ACOT13: variants seen among roughly 807,000 people sequenced by gnomAD.
ACOT13 encodes acyl-CoA thioesterase 13.
A neutral mutation model predicts 11.8 loss-of-function variants in ACOT13; 10 were observed. The ratio of observed to expected loss-of-function variants is 0.85; its 90% CI spans 0.53 to 1.44. The LOEUF (loss-of-function observed/expected upper bound fraction) is 1.44, where lower values mean the gene tolerates loss of function less well. ACOT13 is among the 40% of genes most tolerant of loss of function. The probability of loss-of-function intolerance (pLI) is 0.00; values close to 1 mark genes in which losing one functional copy is unlikely to be tolerated. For missense variants in ACOT13, 172 were observed against 174.1 expected (o/e 0.99, Z 0.07); for synonymous variants, 53 against 61.0 (o/e 0.87, Z 0.61).
intron 1 of ACOT13, among the ~76,000 whole-genome samples, chr6:24,681,630 G>T (rs1778552483): frequency 6.6e-6 from 1 of 151,890 alleles, no homozygotes; most frequent in South Asian, 2.1e-4. Context: ...AGGGTAGTGG[G>T]GAACGGGTCC....
intron 1 of ACOT13, among the ~76,000 whole-genome samples, chr6:24,674,895 C>T (rs1395031754): frequency 3.1e-5 from 4 of 128,006 alleles, no homozygotes; most frequent in East Asian, 2.5e-4. Flanking sequence ...CCCCACCCCA[C>T]GACAGGCCCC....
chr6:24,687,659 G>T, intron 1 of ACOT13: 1 of 1,474,844 alleles, frequency 6.8e-7, no homozygotes, highest in Non-Finnish European at 9.0e-7. Context: ...TTGAGAGAAA[G>T]AAAGCATGTA....
intron 1 of ACOT13, among the ~76,000 whole-genome samples, chr6:24,672,926 G>A (rs1778386400): frequency 6.6e-6 from 1 of 152,180 alleles, no homozygotes; most frequent in Non-Finnish European, 1.5e-5. Context: ...TCTCAGGAAT[G>A]CAGTTTATTT....
chr6:24,701,404 A>T (rs1778889226), intron 2 of ACOT13, 55 bp from the exon 3 acceptor site: 7 of 1,531,128 alleles, frequency 4.6e-6, no homozygotes, highest in Middle Eastern at 3.5e-4. Flanking sequence ...TGAGATGCAC[A>T]CAACTTTCCC....
intron 1 of ACOT13, among the ~76,000 whole-genome samples, chr6:24,682,043 A>G (rs937786516): frequency 2.6e-5 from 4 of 152,154 alleles, no homozygotes; most frequent in Non-Finnish European, 5.9e-5. Context: ...TCCCCAAGAA[A>G]ATTGAAAGTG....
Position 24,704,129 on chromosome 6 carries a change from A to T in ACOT13, c.*2514A>T, listed in dbSNP as rs932854115. ...TGAGTTTGGTAATTTTACTCTAGTT[A>T]TATGAAATATTCTTGTACTTGGAAC... On this transcript the variant is annotated 3_prime_UTR_variant, in exon 3 of 3. Transcript: ENST00000230048. 6.6e-6 allele frequency: 1 copy of T among 152,236 alleles called. No homozygotes were observed. The highest frequency in any genetic ancestry group is 2.1e-4 in the South Asian group (1 of 4,832). The allele number at this position is 152,236 out of a possible 1,614,324, so 9.4% of individuals were successfully genotyped here.
rs147438936 is a variant in ACOT13, at chr6:24,676,728, G to A, written c.81+9384G>A. Among the ~76,000 whole-genome samples the A allele has an allele frequency of 2.7e-3, 406 of 152,254 alleles. 2 individuals are homozygous for A. The highest frequency in any genetic ancestry group is 8.4e-3 in the African/African-American group (348 of 41,534). On this transcript the variant is annotated intron_variant, in intron 1 of 2. Transcript: ENST00000230048. Reference sequence around the variant, plus strand: ...ATAAGCATTTCTAATAGAGGGTCCTGCCTTGCCGCTCTTTTGGCTTCAATA... The same window carrying A: ...ATAAGCATTTCTAATAGAGGGTCCTACCTTGCCGCTCTTTTGGCTTCAATA...
At chr6:24,681,278 C>T (rs766948245) in intron 1 of ACOT13, among the ~76,000 whole-genome samples, 2 of 152,124 alleles carry the variant, frequency 1.3e-5, no homozygotes, top group African/African-American at 4.8e-5. Flanking sequence ...AAGCAGTTGC[C>T]GCTACCGACT....
Position 24,698,066 on chromosome 6 carries a change from ACG to A in ACOT13, c.266_266+1del, listed in dbSNP as rs1778827944. On this transcript the variant is annotated splice_donor_variant and coding_sequence_variant, in exon 2 of 3. Coordinates refer to ENST00000230048, the MANE Select transcript of ACOT13 (RefSeq NM_018473.4). LOFTEE classifies it high-confidence loss of function. ...CGGAGTCAGTGTCGATATGAACATA[ACG>A]TATGTATCCAAACTGTATTCCAAAT... 6.2e-7 allele frequency: 1 copy of A among 1,600,464 alleles called. No individual in the cohort carries two copies. The highest frequency in any genetic ancestry group is 2.2e-5 in the East Asian group (1 of 44,552).
rs556198299 is a variant in ACOT13 at position 24,687,824 on chromosome 6, G to C, written c.82-10059G>C. 1.8e-5 allele frequency: 17 copies of C among 935,960 alleles called. No individual in the cohort carries two copies. The African/African-American group carries it at 3.0e-4, about 17-fold the overall frequency. 58.0% of individuals were successfully genotyped at this position (935,960 alleles called of 1,614,324 possible). A position where few individuals can be genotyped will look rare whatever the true frequency, so the allele number is the denominator to read the frequency against. On this transcript the variant is annotated intron_variant, in intron 1 of 2. Coordinates refer to ENST00000230048, the MANE Select transcript of ACOT13 (RefSeq NM_018473.4). ...CCTCCCAGGTTCAAGTATTTCTCCT[G>C]CTTCAGCCTCCAGAGCAGCTGGGAT... is the stretch of plus-strand genomic sequence containing the variant.
rs1778894296 is a variant in ACOT13 at position 24,701,619 on chromosome 6, A to G, written c.*4A>G. ...CACAAAACACCTGGGAAACTGAGAG[A>G]ACAGCAGAATGACCTAAAGAAACCC... On this transcript the variant is annotated 3_prime_UTR_variant, in exon 3 of 3. Coordinates refer to ENST00000230048, the MANE Select transcript of ACOT13 (RefSeq NM_018473.4). 6.2e-7 allele frequency: 1 copy of G among 1,607,606 alleles called. No homozygotes were observed.
chr6:24,692,491 A>C (rs532314526), intron 1 of ACOT13, among the ~76,000 whole-genome samples: 24 of 152,302 alleles, frequency 1.6e-4, no homozygotes, highest in African/African-American at 5.8e-4. Flanking sequence ...ATCACAGCTT[A>C]CTGTAACCTT....
chr6:24,669,956 G>A (rs1562154069), intron 1 of ACOT13, among the ~76,000 whole-genome samples: 1 of 151,872 alleles, frequency 6.6e-6, no homozygotes, highest in African/African-American at 2.4e-5. Context: ...GGAAAAAAAA[G>A]GAAAAGAAAA....
At chr6:24,680,895 A>G (rs1485805194) in intron 1 of ACOT13, among the ~76,000 whole-genome samples, 1 of 152,204 alleles carries the variant, frequency 6.6e-6, no homozygotes, top group Non-Finnish European at 1.5e-5. Flanking sequence ...GAGGAGACCA[A>G]TTATTAGGCA....
In ACOT13 at chr6:24,702,536, AG is replaced by A. The variant is rs1778910534; in HGVS notation, c.*925del. On this transcript the variant is annotated 3_prime_UTR_variant, in exon 3 of 3. Coordinates refer to ENST00000230048, the MANE Select transcript of ACOT13 (RefSeq NM_018473.4). The stretch of plus-strand genomic sequence containing the variant: ...GGTTGGGATTTTAACATACAAATTT[AG>A]GGGAAACACATGGAGACCACAGCAA... 1 of 152,202 alleles carries A rather than the reference AG, an allele frequency of 6.6e-6. No homozygotes were observed. The highest frequency in any genetic ancestry group is 2.1e-4 in the South Asian group (1 of 4,832). The allele number at this position is 152,202 out of a possible 1,614,324, so 9.4% of individuals were successfully genotyped here. A position where few individuals can be genotyped will look rare whatever the true frequency, so the allele number is the denominator to read the frequency against.
intron 2 of ACOT13, among the ~76,000 whole-genome samples, 192 bp downstream of exon 2, chr6:24,698,259 C>T (rs1229428028): frequency 2.6e-5 from 4 of 152,148 alleles, no homozygotes; most frequent in Non-Finnish European, 4.4e-5. Context: ...TTTGCAAGTA[C>T]AGTGTGTATC....
chr6:24,689,084 A>G (rs4397216), intron 1 of ACOT13, among the ~76,000 whole-genome samples: 116,001 of 151,484 alleles, frequency 0.77, 45,146 homozygotes, highest in African/African-American at 0.9. Flanking sequence ...CTTTGAACCT[A>G]GGAGGTGGAG....
rs1419600676 is a variant in ACOT13 at position 24,703,717 on chromosome 6, A to G, written c.*2102A>G. 6.6e-6 allele frequency: 1 copy of G among 152,236 alleles called. No homozygotes were observed. The highest frequency in any genetic ancestry group is 1.5e-5 in the Non-Finnish European group (1 of 68,046). The allele number at this position is 152,236 out of a possible 1,614,324, so 9.4% of individuals were successfully genotyped here. ...GAAAGAATCGCCAAGGGAGCTCCTG[A>G]TAAAGGAACAGGGTATTTGCACATT... is the stretch of plus-strand genomic sequence containing the variant. On this transcript the variant is annotated 3_prime_UTR_variant, in exon 3 of 3. Coordinates refer to ENST00000230048, the MANE Select transcript of ACOT13 (RefSeq NM_018473.4).
rs938747002 is a variant in ACOT13, at chr6:24,704,865, T to G, written c.*3250T>G. The stretch of plus-strand genomic sequence containing the variant: ...GAAAAAGTTAACACTTCAAACTTTG[T>G]GTATTCACCTGAATAGTCAGGGAAC... On this transcript the variant is annotated 3_prime_UTR_variant, in exon 3 of 3. Coordinates refer to ENST00000230048, the MANE Select transcript of ACOT13 (RefSeq NM_018473.4). 2 of 152,270 alleles carry G rather than the reference T, an allele frequency of 1.3e-5. No individual in the cohort carries two copies. The highest frequency in any genetic ancestry group is 2.4e-5 in the African/African-American group (1 of 41,474). 9.4% of individuals were successfully genotyped at this position (152,270 alleles called of 1,614,324 possible).
Sources: gnomAD v4.1 joint callset for allele counts (sites outside exome capture counted in the v4.1 genomes callset) on GRCh38, gnomAD v4.1.1 for gene constraint, MANE v1.5 for transcripts, NCBI Gene and HGNC (gene_info 2026-07-23, HGNC 2026-07-21) for gene names.